The following ZNF77 variants were observed in gnomAD, a reference collection of about 807,000 sequenced individuals.
The protein encoded by ZNF77 is zinc finger protein 77, also known as ZNFpT1.
In ZNF77, 15 loss-of-function variants were observed where a neutral mutation model predicts 13.5. The observed-to-expected ratio is 1.11, with a 90% CI of 0.74 to 1.71. ZNF77 has a LOEUF of 1.71. ZNF77 is among the 40% of genes most tolerant of loss of function. The probability of loss-of-function intolerance (pLI) is 0.00; values close to 1 mark genes in which losing one functional copy is unlikely to be tolerated. For synonymous variants in ZNF77, 282 were observed against 250.0 expected (o/e 1.13, Z -1.21); for missense variants, 717 against 676.4 (o/e 1.06, Z -0.67).
intron 1 of ZNF77, among the ~76,000 whole-genome samples, chr19:2,943,380 C>T (rs1020813197): frequency 6.6e-6 from 1 of 152,052 alleles, no homozygotes; most frequent in African/African-American, 2.4e-5. Context: ...ACAAGCTTGA[C>T]CACATGTTCG....
chr19:2,944,307 C>T (rs1379517261), intron 1 of ZNF77, among the ~76,000 whole-genome samples: 1 of 138,502 alleles, frequency 7.2e-6, no homozygotes, highest in Non-Finnish European at 1.5e-5. Flanking sequence ...CAGCTACTGT[C>T]CCCCTAAACT....
At position 2,934,502 on chromosome 19, in the gene ZNF77, T is replaced by A. The variant is rs768500014; in HGVS notation, c.625A>T (p.Lys209Ter). The change falls in exon 4 of 4, where the codon AAA becomes TAA. Residue 209 changes from lysine to a stop codon, truncating the protein, a stop_gained. Coordinates refer to ENST00000314531, the MANE Select transcript of ZNF77 (RefSeq NM_021217.3). LOFTEE classifies it low-confidence loss of function (END_TRUNC). ...CATTTCTGACATTCATAAGACTTTT[T>A]ACTGCTGAGACTTTTCACGTATGTC... The part of the protein sequence containing the change: ...SVTYVKSLSS[K>*]KSYECQKCGK... The A allele has an allele frequency of 1.2e-6, 2 of 1,614,250 alleles. No individual in the cohort carries two copies. The highest frequency in any genetic ancestry group is 2.2e-5 in the South Asian group (2 of 91,084).
At position 2,933,704 on chromosome 19, in the gene ZNF77, G is replaced by A. The variant is rs1210766069; in HGVS notation, c.1423C>T (p.His475Tyr). ...ECNQCGKAFSHAQYFQKHVRS... is the reference protein window; with the variant it reads ...ECNQCGKAFSYAQYFQKHVRS... ...ACATGCTTTTGAAAGTACTGAGCGT[G>A]GCTGAAGGCTTTCCCACATTGATTA... The change falls in exon 4 of 4, where the codon CAC (histidine) becomes TAC (tyrosine). Residue 475 changes from histidine to tyrosine, a missense_variant. By Grantham distance (83) the His-to-Tyr change is moderately conservative. Transcript: ENST00000314531. 1 of 1,611,532 alleles carries A rather than the reference G, an allele frequency of 6.2e-7. No individual in the cohort carries two copies. Among genetic ancestry groups the A allele is most frequent in the East Asian group, 2.2e-5 (1 of 44,800 alleles).
At chr19:2,938,985 C>T (rs1180409284) in intron 2 of ZNF77, among the ~76,000 whole-genome samples, 1 of 151,718 alleles carries the variant, frequency 6.6e-6, no homozygotes, top group Non-Finnish European at 1.5e-5. Context: ...AAAAGAAAAC[C>T]AAGGTCTCTT....
Position 2,933,667 on chromosome 19 carries a change from C to G in ZNF77, c.1460G>C (p.Ser487Thr). Reference protein sequence around the residue: ...QYFQKHVRSHSGVKPYECTEC... With the variant: ...QYFQKHVRSHTGVKPYECTEC... Reference sequence around the variant, plus strand: ...AGTACATTCGTAGGGTTTGACCCCACTGTGTGATCTCACATGCTTTTGAAA... The same window carrying G: ...AGTACATTCGTAGGGTTTGACCCCAGTGTGTGATCTCACATGCTTTTGAAA... Residue 487 changes from serine to threonine, a missense_variant, in exon 4 of 4, where the codon AGT becomes ACT. Physicochemically the swap from Ser to Thr is moderately conservative, Grantham distance 58. Coordinates refer to ENST00000314531, the MANE Select transcript of ZNF77 (RefSeq NM_021217.3). The G allele has an allele frequency of 6.2e-7, 1 of 1,613,010 alleles. No homozygotes were observed. The highest frequency in any genetic ancestry group is 1.1e-5 in the South Asian group (1 of 90,964).
intron 1 of ZNF77, among the ~76,000 whole-genome samples, chr19:2,942,049 GA>G (rs10709025): frequency 0.64 from 95,685 of 150,334 alleles, 30,734 homozygotes; most frequent in Middle Eastern, 0.7. Context: ...CTAAGGACAA[GA>G]AAAAAAAGGC....
rs777152914 is a variant in ZNF77 at position 2,933,580 on chromosome 19, C to A, written c.1547G>T (p.Gly516Val). The change falls in exon 4 of 4, where the codon GGA becomes GTA. Residue 516 changes from glycine to valine, a missense_variant. Coordinates refer to ENST00000314531, the MANE Select transcript of ZNF77 (RefSeq NM_021217.3). ...CTGCTTGCATTCATACGGTCTCTCTCCAGTGTGCGTTCTCACGTGCACACG... is the reference window on the plus strand; with the variant it reads ...CTGCTTGCATTCATACGGTCTCTCTACAGTGTGCGTTCTCACGTGCACACG... ...SLRVHVRTHT[G>V]ERPYECKQCG... The A allele has an allele frequency of 6.2e-7, 1 of 1,613,888 alleles. No individual in the cohort carries two copies. The highest frequency in any genetic ancestry group is 8.5e-7 in the Non-Finnish European group (1 of 1,179,780).
Position 2,941,685 on chromosome 19 carries a change from G to A in ZNF77, c.4-2278C>T, listed in dbSNP as rs556207824. On this transcript the variant is annotated intron_variant, in intron 1 of 3. Transcript: ENST00000314531. ...TGATTATCCTCATGATAAATTGTTC[G>A]TCAGTCCCCTAATCGGAATTGCCGC... Among the ~76,000 whole-genome samples the A allele has an allele frequency of 2.6e-5, 4 of 152,148 alleles. No individual in the cohort carries two copies. The South Asian group carries it at 6.2e-4, about 24-fold the overall frequency.
intron 1 of ZNF77, among the ~76,000 whole-genome samples, chr19:2,943,648 G>A (rs1329791336): frequency 6.7e-6 from 1 of 149,988 alleles, no homozygotes; most frequent in East Asian, 1.9e-4. Context: ...AGGTTTCGGA[G>A]GCTGGGGCTT....
chr19:2,938,962 A>AG (rs2088423708), intron 2 of ZNF77, among the ~76,000 whole-genome samples: 1 of 136,326 alleles, frequency 7.3e-6, no homozygotes, highest in Non-Finnish European at 1.7e-5. Flanking sequence ...TCTCAAAAAA[A>AG]TAAAAAAAAA....
At chr19:2,939,485 G>T in intron 1 of ZNF77, 78 bp from the exon 2 acceptor site, 1 of 1,580,744 alleles carries the variant, frequency 6.3e-7, no homozygotes, top group Non-Finnish European at 8.6e-7. Context: ...GAGGCTGACA[G>T]CCTGGGGAAC....
At chr19:2,939,556 C>T in intron 1 of ZNF77, 149 bp from the exon 2 acceptor site, 2 of 1,089,792 alleles carry the variant, frequency 1.8e-6, no homozygotes, top group Non-Finnish European at 1.3e-6. Context: ...AAGTGCAGTA[C>T]ACTCAATGCC....
intron 1 of ZNF77, among the ~76,000 whole-genome samples, chr19:2,943,319 C>G (rs1401178151): frequency 6.6e-6 from 1 of 151,956 alleles, no homozygotes; most frequent in Non-Finnish European, 1.5e-5. Flanking sequence ...TCCCCCAATA[C>G]CTCGCAATAA....
chr19:2,933,391 A>G lies in ZNF77; in HGVS notation c.*98T>C, dbSNP rs1391226375. 2 of 1,423,184 alleles carry G rather than the reference A, an allele frequency of 1.4e-6. No homozygotes were observed. Among genetic ancestry groups the G allele is most frequent in the African/African-American group, 2.8e-5 (2 of 70,292 alleles). 88.2% of individuals were successfully genotyped at this position (1,423,184 alleles called of 1,614,324 possible). On this transcript the variant is annotated 3_prime_UTR_variant, in exon 4 of 4. Transcript: ENST00000314531. ...TTTTTAGGTACAAAATAAGTGCTAT[A>G]CCAGGTTTTCCTACATGCTCTACAT...
At chr19:2,934,924 T>TG in intron 3 of ZNF77, 109 bp from the exon 4 acceptor site, 1 of 1,399,252 alleles carries the variant, frequency 7.1e-7, no homozygotes, top group South Asian at 1.5e-5. Context: ...TTTCACTGAA[T>TG]GGTTCTATTT....
At chr19:2,940,268 A>G (rs1568194184) in intron 1 of ZNF77, among the ~76,000 whole-genome samples, 2 of 152,164 alleles carry the variant, frequency 1.3e-5, no homozygotes, top group African/African-American at 2.4e-5. Flanking sequence ...TCACGCCTGT[A>G]GTTCCAACAC....
In ZNF77 at chr19:2,936,506, CG is replaced by C; in HGVS notation, c.311+17del. Reference sequence around the variant, plus strand: ...TGCTCTGCGGAGAGGCCCATCCCTCCGGTTGAGCGCCACTCACCTCAGATGC... The same window carrying C: ...TGCTCTGCGGAGAGGCCCATCCCTCCGTTGAGCGCCACTCACCTCAGATGC... On this transcript the variant is annotated intron_variant, in intron 3 of 3. Transcript: ENST00000314531. 1 of 1,571,106 alleles carries C rather than the reference CG, an allele frequency of 6.4e-7. No individual in the cohort carries two copies. The highest frequency in any genetic ancestry group is 1.7e-4 in the Middle Eastern group (1 of 5,890).
At chr19:2,940,440 T>C (rs994482821) in intron 1 of ZNF77, among the ~76,000 whole-genome samples, 1 of 151,720 alleles carries the variant, frequency 6.6e-6, no homozygotes, top group African/African-American at 2.4e-5. Context: ...TTTGGGAGGC[T>C]AAGGTGGGCG....
intron 1 of ZNF77, chr19:2,939,784 C>A: frequency 4.2e-6 from 1 of 238,408 alleles, no homozygotes; most frequent in Non-Finnish European, 8.3e-6. Context: ...CCAGCCTGGG[C>A]TGCATAGTGA....
Sources: allele counts gnomAD v4.1 joint callset (sites outside exome capture counted in the v4.1 genomes callset), GRCh38; gene constraint gnomAD v4.1.1; transcripts MANE v1.5; gene names NCBI Gene and HGNC (gene_info 2026-07-23, HGNC 2026-07-21).